The following RBFOX1 variants were observed in gnomAD, a reference collection of about 807,000 sequenced individuals.
RBFOX1 encodes RNA binding protein fox-1 homolog 1.
In RBFOX1, 8 loss-of-function variants were observed where a neutral mutation model predicts 57.7. The ratio of observed to expected loss-of-function variants is 0.14; its 90% CI spans 0.08 to 0.25. The LOEUF (loss-of-function observed/expected upper bound fraction) is 0.25. RBFOX1 is among the 10% of genes least tolerant of loss of function. The probability of loss-of-function intolerance (pLI) is 1.00; values close to 1 mark genes in which losing one functional copy is unlikely to be tolerated. For synonymous variants in RBFOX1, 326 were observed against 222.4 expected, an observed-to-expected ratio of 1.47 and a Z score of -4.15; for missense variants, 611 against 548.5, an observed-to-expected ratio of 1.11 and a Z score of -1.14.
chr16:7,534,616 C>T (rs554300516), intron 5 of RBFOX1, among the ~76,000 whole-genome samples: 82 of 152,238 alleles, frequency 5.4e-4, no homozygotes, highest in African/African-American at 1.4e-3. Context: ...TTCTGTTGTT[C>T]TCAGCAAATC....
intron 4 of RBFOX1, among the ~76,000 whole-genome samples, chr16:7,486,168 G>T (rs1029722512): frequency 5.0e-5 from 7 of 139,816 alleles, no homozygotes; most frequent in African/African-American, 1.8e-4. Flanking sequence ...TGTTGGCCAG[G>T]CTGGAGTGCA....
chr16:7,061,038 GTA>G (rs1491077199), intron 4 of RBFOX1, among the ~76,000 whole-genome samples: 9 of 151,904 alleles, frequency 5.9e-5, no homozygotes, highest in Non-Finnish European at 1.2e-4. Flanking sequence ...GTGTGTGTGT[GTA>G]CGTGCACGTG....
chr16:6,266,152 A>AC (rs2152655478), intron 1 of RBFOX1, among the ~76,000 whole-genome samples: 1 of 152,206 alleles, frequency 6.6e-6, no homozygotes, highest in South Asian at 2.1e-4. Flanking sequence ...CTCTTCTCCC[A>AC]CTGTGGAGAG....
chr16:6,571,680 G>A (rs909131062), intron 2 of RBFOX1, among the ~76,000 whole-genome samples: 1 of 152,088 alleles, frequency 6.6e-6, no homozygotes, highest in Admixed American at 6.6e-5. Context: ...TGCCTCCTGA[G>A]ATCCATTGAA....
intron 3 of RBFOX1, among the ~76,000 whole-genome samples, chr16:7,037,460 A>G (rs1382952812): frequency 6.6e-6 from 1 of 152,146 alleles, no homozygotes; most frequent in East Asian, 1.9e-4. Flanking sequence ...TCTGGTTCAT[A>G]AACCTCTGAC....
intron 11 of RBFOX1, among the ~76,000 whole-genome samples, chr16:7,650,002 G>GTA (rs1482472118): frequency 9.3e-6 from 1 of 108,052 alleles, no homozygotes; most frequent in Non-Finnish European, 2.1e-5. Context: ...GAAAGGAAAA[G>GTA]GAGGAGGGAA....
chr16:7,136,364 A>C (rs1393610827), intron 4 of RBFOX1, among the ~76,000 whole-genome samples: 1 of 151,780 alleles, frequency 6.6e-6, no homozygotes, highest in African/African-American at 2.4e-5. Flanking sequence ...TATTGGAGCC[A>C]ATACCTAGTA....
At chr16:6,681,671 GAAAA>G (rs34916559) in intron 3 of RBFOX1, among the ~76,000 whole-genome samples, 18 of 145,522 alleles carry the variant, frequency 1.2e-4, no homozygotes, top group East Asian at 4.0e-4. Flanking sequence ...CATTTAACCA[GAAAA>G]AAAAAAAAAA....
At chr16:5,258,973 C>G (rs1223580268) in intron 1 of RBFOX1, among the ~76,000 whole-genome samples, 3 of 151,954 alleles carry the variant, frequency 2.0e-5, no homozygotes, top group Admixed American at 1.3e-4. Flanking sequence ...CATTTCCCAT[C>G]TGGCCCCTGC....
At chr16:6,345,801 C>A (rs960066911) in intron 2 of RBFOX1, among the ~76,000 whole-genome samples, 1 of 152,180 alleles carries the variant, frequency 6.6e-6, no homozygotes, top group African/African-American at 2.4e-5. Flanking sequence ...TGTGACACGG[C>A]CTCAGGAGGT....
chr16:6,484,353 T>TGCGC (rs2095428649), intron 2 of RBFOX1, among the ~76,000 whole-genome samples: 1 of 152,196 alleles, frequency 6.6e-6, no homozygotes, highest in Non-Finnish European at 1.5e-5. Context: ...CCATGCTCGT[T>TGCGC]GCGCTGGTGT....
chr16:7,268,200 A>C (rs968375765), intron 4 of RBFOX1, among the ~76,000 whole-genome samples: 1 of 152,208 alleles, frequency 6.6e-6, no homozygotes, highest in African/African-American at 2.4e-5. Flanking sequence ...GTCTTATGGG[A>C]CTGCTGTCCT....
At chr16:7,270,815 G>A (rs1603465134) in intron 4 of RBFOX1, among the ~76,000 whole-genome samples, 1 of 151,932 alleles carries the variant, frequency 6.6e-6, no homozygotes, top group Admixed American at 6.6e-5. Context: ...AACTTTCCCC[G>A]CTTTCTCCCT....
chr16:7,106,985 ACACAC>A (rs1377735725), intron 4 of RBFOX1, among the ~76,000 whole-genome samples: 3 of 68,974 alleles, frequency 4.3e-5, no homozygotes, highest in Non-Finnish European at 7.9e-5. Flanking sequence ...CACAGTTAAA[ACACAC>A]ACACACACAC....
intron 3 of RBFOX1, among the ~76,000 whole-genome samples, chr16:5,752,613 A>G (rs1399528861): frequency 6.6e-6 from 1 of 152,170 alleles, no homozygotes; most frequent in Non-Finnish European, 1.5e-5. Flanking sequence ...GGCACCCCAA[A>G]TTGAAGATAA....
In RBFOX1 at chr16:6,310,172, C is replaced by T. The variant is rs2080072482; in HGVS notation, c.-126-6823C>T. Among the ~76,000 whole-genome samples the T allele has an allele frequency of 2.0e-5, 3 of 152,310 alleles. No homozygotes were observed. The South Asian group carries it at 6.2e-4, about 32-fold the overall frequency. On this transcript the variant is annotated intron_variant, in intron 1 of 15. Transcript: ENST00000550418. ...AAGTGCTGGGATTACAGGCGTGAGC[C>T]ACCACACCCAGCCGCTTATTGCCTT... is the stretch of plus-strand genomic sequence containing the variant.
At chr16:5,655,505 G>T (rs1032650774) in intron 3 of RBFOX1, among the ~76,000 whole-genome samples, 1 of 152,180 alleles carries the variant, frequency 6.6e-6, no homozygotes, top group Admixed American at 6.5e-5. Flanking sequence ...GGTGTGGCTA[G>T]GTTCAGCGAT....
intron 4 of RBFOX1, among the ~76,000 whole-genome samples, chr16:5,915,692 C>T (rs572989829): frequency 7.2e-5 from 11 of 152,232 alleles, no homozygotes; most frequent in Admixed American, 3.3e-4. Flanking sequence ...ATTAGCCTGG[C>T]ATGGTGGCGC....
intron 11 of RBFOX1, among the ~76,000 whole-genome samples, chr16:7,639,450 G>A (rs147963276): frequency 2.0e-5 from 3 of 152,016 alleles, no homozygotes; most frequent in Non-Finnish European, 2.9e-5. Flanking sequence ...TCGGAGAGGG[G>A]GTTGAAAGGT....
Sources: allele counts gnomAD v4.1 joint callset (sites outside exome capture counted in the v4.1 genomes callset), GRCh38; gene constraint gnomAD v4.1.1; transcripts MANE v1.5; gene names NCBI Gene and HGNC (gene_info 2026-07-23, HGNC 2026-07-21).